Variants in KCNH2 observed in about 807,000 individuals in gnomAD.
KCNH2 encodes the protein potassium voltage-gated channel subfamily H member 2.
In KCNH2, 35 loss-of-function variants were observed where a neutral mutation model predicts 95.9. The observed-to-expected ratio is 0.37, with a 90% CI of 0.28 to 0.48. The LOEUF is 0.48. Among genes scored for constraint, KCNH2 ranks in the 20% least tolerant of loss-of-function variants. The probability of loss-of-function intolerance (pLI) is 0.99; values close to 1 mark genes in which losing one functional copy is unlikely to be tolerated. For synonymous variants in KCNH2, 786 were observed against 754.7 expected (o/e 1.04, Z -0.68); for missense variants, 1,274 against 1,702.9 (o/e 0.75, Z 4.43).
chr7:150,947,357 C>T lies in KCNH2; in HGVS notation c.3123G>A (p.Arg1041=). Residue 1041 remains arginine (R), a synonymous_variant, in exon 13 of 15, where the codon AGG becomes AGA. Transcript: ENST00000262186. ...TGAGCTGGCGCTGGAGGGCATCCAG[C>T]CTGCTCTCCACGTCGCCCCGGGGCC... ...GRRPRGDVES[R]LDALQRQLNR... 1 of 1,545,830 alleles carries T rather than the reference C, an allele frequency of 6.5e-7. No homozygotes were observed. The highest frequency in any genetic ancestry group is 1.4e-5 in the African/African-American group (1 of 73,180).
intron 9 of KCNH2, 21 bp downstream of exon 9, chr7:150,950,147 T>TGGG: frequency 7.1e-6 from 6 of 843,218 alleles, no homozygotes; most frequent in African/African-American, 1.7e-5. Context: ...TCCAGTCCAG[T>TGGG]GCCCGCCCCC....
Position 150,955,437 on chromosome 7 carries a change from C to A in KCNH2, c.1128+1854G>T. ...CTGGAGATGCGCACGGCCCGCCTCA[C>A]CCGGCCTTTCTGGGCCCTGGGCCGC... On this transcript the variant is annotated intron_variant, in intron 5 of 14. Coordinates refer to ENST00000262186, the MANE Select transcript of KCNH2 (RefSeq NM_000238.4). 1 of 1,566,430 alleles carries A rather than the reference C, an allele frequency of 6.4e-7. No homozygotes were observed. Among genetic ancestry groups the A allele is most frequent in the Non-Finnish European group, 8.6e-7 (1 of 1,156,436 alleles).
chr7:150,946,842 T>TC lies in KCNH2; in HGVS notation c.3330+34dup. ...GGGCTGGAATCGGGGAACAAGCGGG[T>TC]CACGGTACATCGAGGAAGCAGGGCT... is the stretch of plus-strand genomic sequence containing the variant. On this transcript the variant is annotated intron_variant, in intron 14 of 14. Transcript: ENST00000262186. This position sits in a 1 kb window ranked among gnomAD's most constrained non-coding sequence, Gnocchi z 6.5. The TC allele has an allele frequency of 6.3e-7, 1 of 1,576,202 alleles. No individual in the cohort carries two copies. Among genetic ancestry groups the TC allele is most frequent in the Non-Finnish European group, 8.7e-7 (1 of 1,154,974 alleles).
In KCNH2 at chr7:150,964,069, G is replaced by A. The variant is rs1284427889; in HGVS notation, c.308-4333C>T. On this transcript the variant is annotated intron_variant, in intron 2 of 14. Coordinates refer to ENST00000262186, the MANE Select transcript of KCNH2 (RefSeq NM_000238.4). Reference sequence around the variant, plus strand: ...ACCCAATTCCCCACCTCTGGGCACCGCTAGCCTAGGCCAGGCCCCAGGCAG... The same window carrying A: ...ACCCAATTCCCCACCTCTGGGCACCACTAGCCTAGGCCAGGCCCCAGGCAG... 2.6e-5 allele frequency among the ~76,000 whole-genome samples: 4 copies of A among 152,184 alleles called. No homozygotes were observed. In the South Asian group the frequency reaches 6.2e-4, roughly 24 times the overall value.
chr7:150,969,617 T>G (rs954870484), intron 2 of KCNH2, among the ~76,000 whole-genome samples: 1 of 152,198 alleles, frequency 6.6e-6, no homozygotes. Context: ...CGCAGCACAC[T>G]GCCCACCCCA....
At chr7:150,975,131 C>A (rs1234888091) in intron 1 of KCNH2, among the ~76,000 whole-genome samples, 190 bp from the exon 2 acceptor site, 3 of 149,864 alleles carry the variant, frequency 2.0e-5, no homozygotes, top group Admixed American at 1.3e-4. Context: ...CCTGGCCGGC[C>A]GGGCCGCGCG....
intron 2 of KCNH2, among the ~76,000 whole-genome samples, chr7:150,973,126 T>C (rs781607486): frequency 2.0e-5 from 3 of 152,222 alleles, no homozygotes; most frequent in Non-Finnish European, 4.4e-5. Flanking sequence ...CAGTAGTGTA[T>C]AATTTCCAGC....
rs199472899 is a variant in KCNH2, at chr7:150,952,699, G to A, written c.1283C>T (p.Ser428Leu). The A allele has an allele frequency of 6.2e-6, 10 of 1,614,070 alleles. No homozygotes were observed. The highest frequency in any genetic ancestry group is 3.3e-5 in the Admixed American group (2 of 60,004). Residue 428 changes from serine (S) to leucine (L), a missense_variant, in exon 6 of 15, where the codon TCG becomes TTG. Around this residue, in one of 7 missense-constraint regions of KCNH2, gnomAD observed 147 missense variants for 344.4 expected, o/e 0.43. Transcript: ENST00000262186. The surrounding 1 kb of genome is among the most constrained non-coding windows in gnomAD (Gnocchi z 7.3). Reference sequence around the variant, plus strand: ...CGTCTCCTTCAGCAGGAAGGCAGCCGAGTAGGGTGTGAAGACAGCCGTGTA... The same window carrying A: ...CGTCTCCTTCAGCAGGAAGGCAGCCAAGTAGGGTGTGAAGACAGCCGTGTA... ...VIYTAVFTPYSAAFLLKETEE... is the reference protein window; with the variant it reads ...VIYTAVFTPYLAAFLLKETEE...
At position 150,978,216 on chromosome 7, in the gene KCNH2, C is replaced by A. The variant is rs1020391843; in HGVS notation, c.-303G>T. ...CCGCGTCCCCGCGCTGCGCTCCGCC[C>A]GCCCGAGCCCCGGACTCCTGGCTCC... On this transcript the variant is annotated 5_prime_UTR_variant, in exon 1 of 15. Transcript: ENST00000262186. 3.4e-5 allele frequency: 5 copies of A among 146,630 alleles called. No homozygotes were observed. Among genetic ancestry groups the A allele is most frequent in the Admixed American group, 1.4e-4 (2 of 14,762 alleles). The allele number at this position is 146,630 out of a possible 1,614,324, so 9.1% of individuals were successfully genotyped here.
intron 9 of KCNH2, chr7:150,949,397 T>C: frequency 1.2e-5 from 8 of 663,696 alleles, no homozygotes; most frequent in Non-Finnish European, 1.6e-5. Context: ...CAGTAGTGAA[T>C]CAAAACCAGC....
intron 2 of KCNH2, among the ~76,000 whole-genome samples, chr7:150,960,596 G>A (rs1373545805): frequency 2.6e-5 from 4 of 152,172 alleles, no homozygotes; most frequent in Non-Finnish European, 4.4e-5. Context: ...CAAAATCCAC[G>A]CATGTGCTCT....
intron 3 of KCNH2, among the ~76,000 whole-genome samples, 165 bp downstream of exon 3, chr7:150,959,407 G>A (rs1396940539): frequency 2.0e-5 from 3 of 152,158 alleles, no homozygotes; most frequent in Non-Finnish European, 4.4e-5. Context: ...GGGGAACCAA[G>A]CCACATCCTC....
chr7:150,950,777 A>G, intron 8 of KCNH2, 144 bp downstream of exon 8: 1 of 890,068 alleles, frequency 1.1e-6, no homozygotes, highest in Non-Finnish European at 1.8e-6. Flanking sequence ...CCATTTCCTC[A>G]TGGGCAAAAA....
intron 2 of KCNH2, among the ~76,000 whole-genome samples, chr7:150,960,719 C>T (rs1801543519): frequency 6.6e-6 from 1 of 152,182 alleles, no homozygotes. Context: ...CCTCGCCTCG[C>T]GTTCCCCTCG....
At chr7:150,971,353 C>A (rs999350580) in intron 2 of KCNH2, among the ~76,000 whole-genome samples, 2 of 152,140 alleles carry the variant, frequency 1.3e-5, no homozygotes, top group Admixed American at 6.5e-5. Context: ...GACAGCAGGT[C>A]CCCACCCCCT....
Position 150,952,990 on chromosome 7 carries a change from G to A in KCNH2, c.1129-137C>T. The A allele has an allele frequency of 1.2e-6, 1 of 828,116 alleles. No homozygotes were observed. The highest frequency in any genetic ancestry group is 1.9e-6 in the Non-Finnish European group (1 of 528,144). The allele number at this position is 828,116 out of a possible 1,614,324, so 51.3% of individuals were successfully genotyped here. A position where few individuals can be genotyped will look rare whatever the true frequency, so the allele number is the denominator to read the frequency against. On this transcript the variant is annotated intron_variant, in intron 5 of 14. Coordinates refer to ENST00000262186, the MANE Select transcript of KCNH2 (RefSeq NM_000238.4). The surrounding 1 kb of genome is among the most constrained non-coding windows in gnomAD (Gnocchi z 7.3). ...CTTCCATCAGAATGCCCACCCCTCA[G>A]CCAAGCGACCACAGCAAATGGCCAC...
chr7:150,954,687 G>A (rs1362789847), intron 5 of KCNH2, among the ~76,000 whole-genome samples: 1 of 152,246 alleles, frequency 6.6e-6, no homozygotes, highest in East Asian at 1.9e-4. Flanking sequence ...AGAATGTGCA[G>A]ATGTGGGGTG....
At position 150,974,879 on chromosome 7, in the gene KCNH2, C is replaced by T; in HGVS notation, c.139G>A (p.Gly47Ser). 1 of 1,612,172 alleles carries T rather than the reference C, an allele frequency of 6.2e-7. No homozygotes were observed. The highest frequency in any genetic ancestry group is 8.5e-7 in the Non-Finnish European group (1 of 1,179,380). ...GAGTAGCCGCACAGCTCGCAGAAGC[C>T]GTCGTTGCAGTAGATGACGGCGCAG... ...ENCAVIYCND[G>S]FCELCGYSRA... Residue 47 changes from glycine to serine, a missense_variant, in exon 2 of 15, where the codon GGC becomes AGC. By Grantham distance (56) the Gly-to-Ser change is moderately conservative (BLOSUM62 0). This residue lies in a region of KCNH2 where 85 missense variants were observed against 174.7 expected (regional missense o/e 0.49). Coordinates refer to ENST00000262186, the MANE Select transcript of KCNH2 (RefSeq NM_000238.4).
In KCNH2 at chr7:150,947,477, C is replaced by A; in HGVS notation, c.3003G>T (p.Trp1001Cys). Residue 1001 changes from tryptophan (W) to cysteine (C), a missense_variant, in exon 13 of 15, where the codon TGG (tryptophan) becomes TGT (cysteine). Trp to Cys is a radical substitution (Grantham distance 215). This residue lies in a region of KCNH2 where 457 missense variants were observed against 416.1 expected (regional missense o/e 1.10). Coordinates refer to ENST00000262186, the MANE Select transcript of KCNH2 (RefSeq NM_000238.4). ...FSGVSNIFSF[W>C]GDSRGRQYQE... ...GGTACTGGCGGCCCCGACTGTCCCC[C>A]CAGAAGCTGAAAATGTTGGACACTC... The A allele has an allele frequency of 1.3e-6, 2 of 1,579,916 alleles. No homozygotes were observed. The highest frequency in any genetic ancestry group is 2.3e-5 in the East Asian group (1 of 43,506).
Sources: gnomAD v4.1 joint callset for allele counts (sites outside exome capture counted in the v4.1 genomes callset) on GRCh38, gnomAD v4.1.1 for gene constraint, gnomAD v4.1.1 regional missense constraint, Gnocchi (gnomAD v3.1) non-coding constraint, MANE v1.5 for transcripts, NCBI Gene and HGNC (gene_info 2026-07-23, HGNC 2026-07-21) for gene names.